NEGR1: variants seen among roughly 807,000 people sequenced by gnomAD.
NEGR1 encodes IgLON family member 4.
In NEGR1, 10 loss-of-function variants were observed where a neutral mutation model predicts 40.9. That is an observed-to-expected ratio of 0.24 (90% confidence interval 0.15 to 0.42). The LOEUF (loss-of-function observed/expected upper bound fraction) is 0.42. Ranked by LOEUF, NEGR1 falls within the 10% of genes least tolerant of loss-of-function variation. The pLI is 1.00. For missense variants in NEGR1, 352 were observed against 438.9 expected (o/e 0.80, Z 1.77); for synonymous variants, 185 against 166.8 (o/e 1.11, Z -0.84).
At chr1:71,940,271 G>A (rs1298034650) in intron 1 of NEGR1, among the ~76,000 whole-genome samples, 2 of 151,998 alleles carry the variant, frequency 1.3e-5, no homozygotes, top group East Asian at 1.9e-4. Context: ...TCCTTTAATC[G>A]AGTATGGCAT....
intron 1 of NEGR1, among the ~76,000 whole-genome samples, chr1:71,952,032 G>T (rs890987084): frequency 6.6e-6 from 1 of 151,492 alleles, no homozygotes; most frequent in African/African-American, 2.4e-5. Flanking sequence ...CTCTCTCCTT[G>T]GGCCTTTCTA....
rs370464016 is a variant in NEGR1, at chr1:71,698,167, T to C, written c.536-28A>G. On this transcript the variant is annotated intron_variant, in intron 3 of 6. Coordinates refer to ENST00000357731, the MANE Select transcript of NEGR1 (RefSeq NM_173808.3). ...ATAAAAAAGAATACAGCATGTTTAATTGTAGCCGCCTGAGGCTTCATTCAA... is the reference window on the plus strand; with the variant it reads ...ATAAAAAAGAATACAGCATGTTTAACTGTAGCCGCCTGAGGCTTCATTCAA... 36 of 1,602,764 alleles carry C rather than the reference T, an allele frequency of 2.2e-5. No homozygotes were observed. The African/African-American group carries it at 3.1e-4, about 14-fold the overall frequency.
chr1:71,513,466 T>A (rs1473993836), intron 6 of NEGR1, among the ~76,000 whole-genome samples: 1 of 152,204 alleles, frequency 6.6e-6, no homozygotes, highest in Admixed American at 6.5e-5. Flanking sequence ...CTGAACAGGC[T>A]AAGGAATACA....
chr1:71,477,001 G>A (rs1646825711), intron 6 of NEGR1: 1 of 152,020 alleles, frequency 6.6e-6, no homozygotes, highest in Non-Finnish European at 1.5e-5. Context: ...GCAATTATAA[G>A]TTTATATTTC....
At chr1:71,923,383 TCTCA>T (rs1645738645) in intron 2 of NEGR1, among the ~76,000 whole-genome samples, 1 of 151,112 alleles carries the variant, frequency 6.6e-6, no homozygotes, top group African/African-American at 2.4e-5. Flanking sequence ...TCTCTCTCTC[TCTCA>T]CACACACACA....
chr1:71,575,738 T>G (rs1271067452), intron 6 of NEGR1, among the ~76,000 whole-genome samples: 1 of 151,986 alleles, frequency 6.6e-6, no homozygotes, highest in Non-Finnish European at 1.5e-5. Flanking sequence ...AGCCGAGATC[T>G]CGCCACTGCA....
chr1:71,898,872 TA>T (rs1415774789), intron 2 of NEGR1, among the ~76,000 whole-genome samples: 3 of 79,156 alleles, frequency 3.8e-5, no homozygotes, highest in African/African-American at 8.7e-5. Flanking sequence ...TGCAAATATA[TA>T]TATTGCAAAT....
intron 1 of NEGR1, among the ~76,000 whole-genome samples, chr1:72,146,290 T>TTAAGAGC (rs1650905797): frequency 6.6e-6 from 1 of 152,200 alleles, no homozygotes; most frequent in Non-Finnish European, 1.5e-5. Flanking sequence ...CTGTTGTTGT[T>TTAAGAGC]TAAGAGCGAT....
intron 1 of NEGR1, among the ~76,000 whole-genome samples, chr1:72,077,950 T>A (rs968576324): frequency 6.6e-6 from 1 of 152,298 alleles, no homozygotes; most frequent in Admixed American, 6.5e-5. Context: ...GGTACAATTG[T>A]AGTATAGTAA....
In NEGR1 at chr1:72,211,919, G is replaced by T. The variant is rs542175081; in HGVS notation, c.176+70400C>A. ...GTTCCTCACTGCCTCCTTTACAAAG[G>T]CTTTTTTCTAAGACTCATCTGCAAT... On this transcript the variant is annotated intron_variant, in intron 1 of 6. Transcript: ENST00000357731. Among the ~76,000 whole-genome samples, 3 of 151,792 alleles carry T rather than the reference G, an allele frequency of 2.0e-5. No individual in the cohort carries two copies. The Middle Eastern group carries it at 0.01, about 516-fold the overall frequency.
chr1:71,928,628 G>A lies in NEGR1; in HGVS notation c.409+6451C>T, dbSNP rs569262881. Among the ~76,000 whole-genome samples the A allele has an allele frequency of 6.0e-5, 9 of 149,012 alleles. No individual in the cohort carries two copies. The East Asian group carries it at 1.2e-3, about 20-fold the overall frequency. On this transcript the variant is annotated intron_variant, in intron 2 of 6. Transcript: ENST00000357731. ...TGTTTTATATATATATAAAATGATC[G>A]TCCTGTTAACTAATGAGGCATATCT...
chr1:72,273,602 G>C (rs1043716656), intron 1 of NEGR1, among the ~76,000 whole-genome samples: 1 of 151,502 alleles, frequency 6.6e-6, no homozygotes, highest in Non-Finnish European at 1.5e-5. Flanking sequence ...ACACACACAC[G>C]CAAGTACACA....
In NEGR1 at chr1:71,861,329, C is replaced by A. The variant is rs151063206; in HGVS notation, c.409+73750G>T. ...CAGGAAACACCATACACTATTATTA[C>A]AATCTAAGAGAGGTGGACTGCACAT... On this transcript the variant is annotated intron_variant, in intron 2 of 6. Transcript: ENST00000357731. Among the ~76,000 whole-genome samples, 45 of 152,122 alleles carry A rather than the reference C, an allele frequency of 3.0e-4. 1 individual carries two copies. The East Asian group carries it at 8.5e-3, about 29-fold the overall frequency.
intron 1 of NEGR1, among the ~76,000 whole-genome samples, chr1:72,075,252 C>T (rs553762808): frequency 2.0e-5 from 3 of 152,174 alleles, no homozygotes; most frequent in African/African-American, 7.2e-5. Context: ...ATAGATGGTA[C>T]AGTTTTTACA....
intron 6 of NEGR1, among the ~76,000 whole-genome samples, chr1:71,453,411 T>C (rs1646647204): frequency 6.6e-6 from 1 of 152,142 alleles, no homozygotes; most frequent in Non-Finnish European, 1.5e-5. Context: ...AACTCTCAAA[T>C]ACCTTGTCCT....
At chr1:71,834,996 T>C (rs895440563) in intron 2 of NEGR1, among the ~76,000 whole-genome samples, 3 of 151,724 alleles carry the variant, frequency 2.0e-5, no homozygotes, top group African/African-American at 4.8e-5. Flanking sequence ...AGCTGGGCAG[T>C]TCTGCCAATC....
rs1285528580 is a variant in NEGR1 at position 71,846,203 on chromosome 1, T to A, written c.410-69906A>T. Among the ~76,000 whole-genome samples, 3 of 152,042 alleles carry A rather than the reference T, an allele frequency of 2.0e-5. 1 individual carries two copies. The South Asian group carries it at 6.2e-4, about 31-fold the overall frequency. On this transcript the variant is annotated intron_variant, in intron 2 of 6. Coordinates refer to ENST00000357731, the MANE Select transcript of NEGR1 (RefSeq NM_173808.3). ...GAAGTTGAGCTGAATGGAAAGCAAG[T>A]TTCCCCCCCAACCTAATAAAAATTC... is the stretch of plus-strand genomic sequence containing the variant.
intron 3 of NEGR1, among the ~76,000 whole-genome samples, chr1:71,752,018 T>A (rs1160871424): frequency 3.3e-5 from 5 of 152,262 alleles, no homozygotes; most frequent in Admixed American, 3.3e-4. Context: ...TATATTTAAA[T>A]AATTAGTTGA....
At chr1:72,106,269 A>G (rs979298357) in intron 1 of NEGR1, among the ~76,000 whole-genome samples, 31 of 152,108 alleles carry the variant, frequency 2.0e-4, no homozygotes, top group African/African-American at 7.5e-4. Context: ...GAAGTCTTAC[A>G]GTTAATTTTT....
Sources: gnomAD v4.1 joint callset for allele counts (sites outside exome capture counted in the v4.1 genomes callset) on GRCh38, gnomAD v4.1.1 for gene constraint, MANE v1.5 for transcripts, NCBI Gene and HGNC (gene_info 2026-07-23, HGNC 2026-07-21) for gene names.